The following GNA12 variants were observed in gnomAD, a reference collection of about 807,000 sequenced individuals.
GNA12 encodes guanine nucleotide-binding protein subunit alpha-12.
GNA12 carries 9 observed loss-of-function variants against 26.0 expected under a neutral mutation model. That is an observed-to-expected ratio of 0.35 (90% confidence interval 0.21 to 0.60). The LOEUF (loss-of-function observed/expected upper bound fraction) is 0.60. Among genes scored for constraint, GNA12 ranks in the 20% least tolerant of loss-of-function variants. GNA12 has a pLI of 0.78. For missense variants in GNA12, 405 were observed against 525.8 expected, an observed-to-expected ratio of 0.77 and a Z score of 2.25; for synonymous variants, 264 against 219.6, an observed-to-expected ratio of 1.20 and a Z score of -1.79.
At chr7:2,755,777 GA>G (rs776721427) in intron 2 of GNA12, among the ~76,000 whole-genome samples, 37 of 152,092 alleles carry the variant, frequency 2.4e-4, no homozygotes, top group Non-Finnish European at 4.4e-4. Flanking sequence ...TTTTAAATGT[GA>G]AAAATTTCTT....
chr7:2,741,302 C>T (rs1790489731), intron 2 of GNA12, among the ~76,000 whole-genome samples: 1 of 152,070 alleles, frequency 6.6e-6, no homozygotes, highest in African/African-American at 2.4e-5. Context: ...ATGCAGTGAG[C>T]CATGATTGCG....
chr7:2,822,187 T>A (rs1299790567), intron 1 of GNA12, among the ~76,000 whole-genome samples: 1 of 152,256 alleles, frequency 6.6e-6, no homozygotes, highest in African/African-American at 2.4e-5. Flanking sequence ...GAAGCTTCTG[T>A]GGGAAGCTAT....
At chr7:2,826,093 C>T (rs1793478790) in intron 1 of GNA12, among the ~76,000 whole-genome samples, 1 of 151,982 alleles carries the variant, frequency 6.6e-6, no homozygotes, top group Admixed American at 6.6e-5. Flanking sequence ...ACTAAACATA[C>T]TCGGGCCGGG....
At chr7:2,814,390 C>G (rs1793165184) in intron 1 of GNA12, 1 of 1,557,736 alleles carries the variant, frequency 6.4e-7, no homozygotes, top group Admixed American at 1.7e-5. Flanking sequence ...TTCCCGAACC[C>G]TGCAAGTCAA....
At chr7:2,747,729 T>C (rs1325583517) in intron 2 of GNA12, among the ~76,000 whole-genome samples, 2 of 152,200 alleles carry the variant, frequency 1.3e-5, no homozygotes, top group African/African-American at 2.4e-5. Flanking sequence ...GGAAGTCAAA[T>C]TGTCCCTGTT....
At chr7:2,753,496 C>T (rs1175715437) in intron 2 of GNA12, among the ~76,000 whole-genome samples, 3 of 152,200 alleles carry the variant, frequency 2.0e-5, no homozygotes, top group African/African-American at 7.2e-5. Context: ...GGGATCTGCT[C>T]ACACTGTTGC....
At chr7:2,762,749 T>A (rs1048828300) in intron 2 of GNA12, 1 of 1,553,036 alleles carries the variant, frequency 6.4e-7, no homozygotes, top group African/African-American at 1.4e-5. Context: ...CCGCAGGAAG[T>A]GCACCAGGCC....
intron 2 of GNA12, among the ~76,000 whole-genome samples, chr7:2,782,351 G>C (rs1389899600): frequency 6.6e-6 from 1 of 152,162 alleles, no homozygotes; most frequent in Non-Finnish European, 1.5e-5. Context: ...CATTCTTCCT[G>C]TTTCAAGTGT....
intron 2 of GNA12, among the ~76,000 whole-genome samples, chr7:2,755,544 T>C (rs373765947): frequency 2.0e-5 from 3 of 152,364 alleles, no homozygotes; most frequent in African/African-American, 7.2e-5. Flanking sequence ...CATGTGTCTA[T>C]TGGTCATTGT....
chr7:2,744,170 T>C (rs560498204), intron 2 of GNA12, among the ~76,000 whole-genome samples: 19 of 151,938 alleles, frequency 1.3e-4, no homozygotes, highest in African/African-American at 3.4e-4. Flanking sequence ...TTGAAGAGAG[T>C]AGTGGTTCTC....
In GNA12 at chr7:2,776,542, G is replaced by A. The variant is rs920363445; in HGVS notation, c.525+18386C>T. The stretch of plus-strand genomic sequence containing the variant: ...GGCCCACATTCAACGGCTAAAGGAC[G>A]TCCCCATTCGATGTTCCTGTTTTGT... On this transcript the variant is annotated intron_variant, in intron 2 of 3. Transcript: ENST00000275364. 6.6e-5 allele frequency among the ~76,000 whole-genome samples: 10 copies of A among 152,350 alleles called. No homozygotes were observed. In the East Asian group the frequency reaches 7.7e-4, roughly 12 times the overall value.
At chr7:2,811,622 G>A (rs78986587) in intron 1 of GNA12, among the ~76,000 whole-genome samples, 2,544 of 152,322 alleles carry the variant, frequency 0.017, 45 homozygotes, top group Middle Eastern at 0.075. Flanking sequence ...CACAGATTTC[G>A]TAAGGTTGTA....
intron 1 of GNA12, among the ~76,000 whole-genome samples, chr7:2,815,847 TC>T (rs1394951250): frequency 1.3e-5 from 2 of 151,208 alleles, no homozygotes; most frequent in Non-Finnish European, 1.5e-5. Context: ...TTCCCATCAC[TC>T]CTCTGCTCCT....
At chr7:2,816,789 T>C (rs576310543) in intron 1 of GNA12, among the ~76,000 whole-genome samples, 9 of 152,338 alleles carry the variant, frequency 5.9e-5, no homozygotes, top group Admixed American at 3.9e-4. Context: ...CATTCAATTC[T>C]TAAGAGCGGC....
chr7:2,787,566 G>T (rs1792393876), intron 2 of GNA12, among the ~76,000 whole-genome samples: 2 of 152,292 alleles, frequency 1.3e-5, no homozygotes, highest in East Asian at 3.9e-4. Context: ...ACCATCTTCT[G>T]AGCTTTCCGG....
At chr7:2,830,109 T>C (rs1242197107) in intron 1 of GNA12, among the ~76,000 whole-genome samples, 2 of 152,206 alleles carry the variant, frequency 1.3e-5, no homozygotes, top group East Asian at 3.9e-4. Context: ...CCGGCTTCTA[T>C]TCCCGACTCT....
intron 2 of GNA12, among the ~76,000 whole-genome samples, chr7:2,754,713 C>T (rs1054812102): frequency 2.6e-5 from 4 of 152,186 alleles, no homozygotes; most frequent in African/African-American, 9.7e-5. Context: ...CACACCACTA[C>T]ACTCCAGTCC....
intron 1 of GNA12, among the ~76,000 whole-genome samples, chr7:2,842,946 T>C (rs1474296784): frequency 6.6e-6 from 1 of 152,212 alleles, no homozygotes; most frequent in African/African-American, 2.4e-5. Flanking sequence ...AGTTGGGCTG[T>C]AGGTACTTTA....
intron 1 of GNA12, among the ~76,000 whole-genome samples, chr7:2,800,461 G>A (rs781766560): frequency 2.6e-5 from 4 of 152,208 alleles, no homozygotes; most frequent in Non-Finnish European, 4.4e-5. Flanking sequence ...CCCAAAGCCC[G>A]TCTCCTGACT....
Sources: gnomAD v4.1 joint callset for allele counts (sites outside exome capture counted in the v4.1 genomes callset) on GRCh38, gnomAD v4.1.1 for gene constraint, MANE v1.5 for transcripts, NCBI Gene and HGNC (gene_info 2026-07-23, HGNC 2026-07-21) for gene names.